The following C1QTNF12 variants were observed in gnomAD, a reference collection of about 807,000 sequenced individuals.
The protein encoded by C1QTNF12 is C1q and TNF related 12.
A neutral mutation model predicts 34.3 loss-of-function variants in C1QTNF12; 39 were observed. The ratio of observed to expected loss-of-function variants is 1.14; its 90% CI spans 0.88 to 1.49. C1QTNF12 has a LOEUF of 1.49. C1QTNF12 is among the 40% of genes most tolerant of loss of function. C1QTNF12 has a pLI of 0.00. For missense variants in C1QTNF12, 497 were observed against 424.7 expected, an observed-to-expected ratio of 1.17 and a Z score of -1.50; for synonymous variants, 220 against 196.9, an observed-to-expected ratio of 1.12 and a Z score of -0.98.
In C1QTNF12 at chr1:1,246,621, C is replaced by CG. The variant is rs1385351786; in HGVS notation, c.69dup (p.Gly24ArgfsTer44). The CG allele has an allele frequency of 3.2e-6, 4 of 1,243,708 alleles. No homozygotes were observed. Among genetic ancestry groups the CG allele is most frequent in the Admixed American group, 4.2e-5 (1 of 24,082 alleles). 77.0% of individuals were successfully genotyped at this position (1,243,708 alleles called of 1,614,324 possible). ...GTCCTCTGTGCCTCCCGCCGGGCCC[C>CG]GACGCCCCCGAGGAGCACGAGCTGC... On this transcript the variant is annotated frameshift_variant, in exon 1 of 8. Transcript: ENST00000330388. LOFTEE classifies it high-confidence loss of function. This position sits in a 1 kb window ranked among gnomAD's most constrained non-coding sequence, Gnocchi z 4.5.
In C1QTNF12 at chr1:1,242,634, C is replaced by T. The variant is rs1180688082; in HGVS notation, c.823G>A (p.Ala275Thr). 1.3e-5 allele frequency: 21 copies of T among 1,593,132 alleles called. No homozygotes were observed. Among genetic ancestry groups the T allele is most frequent in the Admixed American group, 1.7e-5 (1 of 57,298 alleles). ...GLLQLQAGQY[A>T]SVFVDNGSGA... is the part of the protein sequence containing the mutation. ...GAGCCATTGTCCACAAACACAGAAG[C>T]GTACTGTCCAGCCTGTAAGAAGCAC... The change falls in exon 8 of 8, where the codon GCT becomes ACT. Residue 275 changes from alanine to threonine, a missense_variant. Transcript: ENST00000330388.
In C1QTNF12 at chr1:1,243,117, C is replaced by T; in HGVS notation, c.676G>A (p.Ala226Thr). The change falls in exon 6 of 8, where the codon GCC becomes ACC. Residue 226 changes from alanine to threonine, a missense_variant. Physicochemically the swap from Ala to Thr is moderately conservative, Grantham distance 58 (BLOSUM62 0). Transcript: ENST00000330388. ...SELQGKARLR[A>T]RDVVCVLICI... The stretch of plus-strand genomic sequence containing the variant: ...ATGAGAACACACACCACGTCCCGGG[C>T]CCGCAGCCGGGCCTTGCCCTGCAGC... The T allele has an allele frequency of 3.1e-6, 5 of 1,587,770 alleles. No homozygotes were observed. Among genetic ancestry groups the T allele is most frequent in the Non-Finnish European group, 3.4e-6 (4 of 1,168,126 alleles).
rs777581156 is a variant in C1QTNF12, at chr1:1,242,873, C to A, written c.772G>T (p.Val258Phe). 6.2e-6 allele frequency: 10 copies of A among 1,612,360 alleles called. No homozygotes were observed. In the East Asian group the frequency reaches 1.6e-4, roughly 25 times the overall value. Residue 258 changes from valine (V) to phenylalanine (F), a missense_variant, in exon 7 of 8, where the codon GTC (valine) becomes TTC (phenylalanine). Transcript: ENST00000330388. ...AGCCCCTGCACCTGTAGCGTGAAGA[C>A]CCTGCTGTTGCTCTCCAGGCCTGAG... is the stretch of plus-strand genomic sequence containing the variant. ...AVSGLESNSR[V>F]FTLQVQGLLQ...
intron 5 of C1QTNF12, 122 bp from the exon 6 acceptor site, chr1:1,243,274 C>A (rs953698911): frequency 1.0e-6 from 1 of 1,001,802 alleles, no homozygotes; most frequent in Non-Finnish European, 1.5e-6. Context: ...GGGGAGGGGG[C>A]GCCTGAGGCC....
In C1QTNF12 at chr1:1,244,426, G is replaced by T. The variant is rs142626978; in HGVS notation, c.249C>A (p.Asp83Glu). ...MTWLNFVRRP[D>E]DGALRKRCGS... ...CGCACCGCTTCCTTAAGGCGCCGTCGTCCGGCCGCCGGACAAAGTTCAGCC... is the reference window on the plus strand; with the variant it reads ...CGCACCGCTTCCTTAAGGCGCCGTCTTCCGGCCGCCGGACAAAGTTCAGCC... The change falls in exon 2 of 8, where the codon GAC becomes GAA. Residue 83 changes from aspartate (D) to glutamate (E), a missense_variant. Transcript: ENST00000330388. 7 of 1,611,876 alleles carry T rather than the reference G, an allele frequency of 4.3e-6. No individual in the cohort carries two copies. Among genetic ancestry groups the T allele is most frequent in the Admixed American group, 1.7e-5 (1 of 59,976 alleles).
Position 1,242,636 on chromosome 1 carries a change from T to C in C1QTNF12, c.821A>G (p.Tyr274Cys). 1.9e-6 allele frequency: 3 copies of C among 1,592,630 alleles called. No individual in the cohort carries two copies. The highest frequency in any genetic ancestry group is 2.6e-6 in the Non-Finnish European group (3 of 1,170,100). Residue 274 changes from tyrosine to cysteine, a missense_variant, in exon 8 of 8, where the codon TAC becomes TGC. Coordinates refer to ENST00000330388, the MANE Select transcript of C1QTNF12 (RefSeq NM_001014980.3). ...QGLLQLQAGQYASVFVDNGSG... is the reference protein window; with the variant it reads ...QGLLQLQAGQCASVFVDNGSG... ...GCCATTGTCCACAAACACAGAAGCG[T>C]ACTGTCCAGCCTGTAAGAAGCACGG...
At position 1,244,488 on chromosome 1, in the gene C1QTNF12, C is replaced by G. The variant is rs1159962261; in HGVS notation, c.187G>C (p.Ala63Pro). 1.2e-6 allele frequency: 2 copies of G among 1,610,746 alleles called. No individual in the cohort carries two copies. The highest frequency in any genetic ancestry group is 2.7e-5 in the African/African-American group (2 of 74,814). ...GCGTCGGAGAACTCAGGTCCTGAGG[C>G]CTGGGATGGCTGAAGGGACGGGACG... Reference protein sequence around the residue: ...GLPEAPKPSQASGPEFSDAHM... With the variant: ...GLPEAPKPSQPSGPEFSDAHM... Residue 63 changes from alanine (A) to proline (P), a missense_variant, in exon 2 of 8, where the codon GCC becomes CCC. Coordinates refer to ENST00000330388, the MANE Select transcript of C1QTNF12 (RefSeq NM_001014980.3).
rs775864553 is a variant in C1QTNF12 at position 1,244,066 on chromosome 1, A to T, written c.419T>A (p.Leu140Gln). ...ERRFSGLLDP[L>Q]LPQGAGLRLV... ...CCGCAGGCCCGCCCCCTGGGGCAGC[A>T]GCGGGTCCAGAAGCCCTGAGAACCG... The change falls in exon 4 of 8, where the codon CTG (leucine) becomes CAG (glutamine). Residue 140 changes from leucine to glutamine, a missense_variant. By Grantham distance (113) the Leu-to-Gln change is moderately radical (BLOSUM62 -2). Transcript: ENST00000330388. 6 of 1,597,602 alleles carry T rather than the reference A, an allele frequency of 3.8e-6. No individual in the cohort carries two copies. In the South Asian group the frequency reaches 6.7e-5, roughly 18 times the overall value.
Position 1,246,569 on chromosome 1 carries a change from G to A in C1QTNF12, c.122C>T (p.Pro41Leu). Reference sequence around the variant, plus strand: ...GGACGCGCTGGCGGTGGCGTTGGGGGGATCTGCGCGCTGGCCAGGCTGCTG... The same window carrying A: ...GGACGCGCTGGCGGTGGCGTTGGGGAGATCTGCGCGCTGGCCAGGCTGCTG... ...RTQQPGQRAD[P>L]PNATASASSR... Residue 41 changes from proline to leucine, a missense_variant, in exon 1 of 8, where the codon CCC (proline) becomes CTC (leucine). By Grantham distance (98) the Pro-to-Leu change is moderately conservative. Transcript: ENST00000330388. The surrounding 1 kb of genome is among the most constrained non-coding windows in gnomAD (Gnocchi z 4.5). 2 of 1,245,330 alleles carry A rather than the reference G, an allele frequency of 1.6e-6. No homozygotes were observed. The highest frequency in any genetic ancestry group is 2.0e-6 in the Non-Finnish European group (2 of 994,908). 77.1% of individuals were successfully genotyped at this position (1,245,330 alleles called of 1,614,324 possible). A position where few individuals can be genotyped will look rare whatever the true frequency, so the allele number is the denominator to read the frequency against.
At position 1,243,115 on chromosome 1, in the gene C1QTNF12, G is replaced by A. The variant is rs144467981; in HGVS notation, c.678C>T (p.Ala226=). 1.3e-4 allele frequency: 213 copies of A among 1,587,784 alleles called. 1 individual carries two copies. Among genetic ancestry groups the A allele is most frequent in the Non-Finnish European group, 1.5e-4 (171 of 1,168,190 alleles). ...AGATGAGAACACACACCACGTCCCG[G>A]GCCCGCAGCCGGGCCTTGCCCTGCA... ...SELQGKARLR[A]RDVVCVLICI... The change falls in exon 6 of 8, where the codon GCC becomes GCT. Residue 226 remains alanine, a synonymous_variant. Coordinates refer to ENST00000330388, the MANE Select transcript of C1QTNF12 (RefSeq NM_001014980.3).
rs777296011 is a variant in C1QTNF12, at chr1:1,244,017, G to A, written c.468C>T (p.Cys156=). The part of the protein sequence containing the change: ...GLRLVGEAFH[C]RLQGPRRVDK... ...CCACCCGGCGGGGACCCTGCAGCCG[G>A]CAGTGAAAGGCCTCGCCCACCAGCC... is the stretch of plus-strand genomic sequence containing the variant. The change falls in exon 4 of 8, where the codon TGC becomes TGT. Residue 156 remains cysteine (C), a synonymous_variant. Transcript: ENST00000330388. 3 of 1,599,606 alleles carry A rather than the reference G, an allele frequency of 1.9e-6. No homozygotes were observed. Among genetic ancestry groups the A allele is most frequent in the Middle Eastern group, 1.7e-4 (1 of 5,900 alleles).
Position 1,246,479 on chromosome 1 carries a change from C to T in C1QTNF12, c.177+35G>A, listed in dbSNP as rs922578562. On this transcript the variant is annotated intron_variant, in intron 1 of 7. Transcript: ENST00000330388. The surrounding 1 kb of genome is among the most constrained non-coding windows in gnomAD (Gnocchi z 4.5). ...CCCCAGAGCCCCAGCTCCGAAGCTG[C>T]CCCGCGAGGGCCCACGTGCGTCCCG... 1.6e-6 allele frequency: 2 copies of T among 1,229,016 alleles called. No homozygotes were observed. Among genetic ancestry groups the T allele is most frequent in the African/African-American group, 3.1e-5 (2 of 64,274 alleles). The allele number at this position is 1,229,016 out of a possible 1,614,324, so 76.1% of individuals were successfully genotyped here.
intron 1 of C1QTNF12, among the ~76,000 whole-genome samples, chr1:1,245,190 CCCACT>C (rs1638860844): frequency 7.9e-4 from 1 of 1,260 alleles, no homozygotes; most frequent in East Asian, 7.5e-3. Flanking sequence ...CCCTCCTCCC[CCCACT>C]CTTCCCCCTC....
intron 1 of C1QTNF12, chr1:1,244,795 C>A: frequency 4.7e-6 from 1 of 210,746 alleles, no homozygotes; most frequent in Non-Finnish European, 8.5e-6. Flanking sequence ...TCATCTCCCT[C>A]CTCCCCCACT....
chr1:1,243,047 G>C lies in C1QTNF12; in HGVS notation c.731+15C>G. On this transcript the variant is annotated intron_variant, in intron 6 of 7. Transcript: ENST00000330388. ...CCGGGGGCTGCCGCCTGGAGCGGGG[G>C]CTGAGGTCACTCACGTGTGGCGCTG... 1 of 1,570,476 alleles carries C rather than the reference G, an allele frequency of 6.4e-7. No homozygotes were observed. Among genetic ancestry groups the C allele is most frequent in the Non-Finnish European group, 8.6e-7 (1 of 1,158,092 alleles).
At chr1:1,243,192 G>A (rs1044831343) in intron 5 of C1QTNF12, 40 bp from the exon 6 acceptor site, 8 of 995,490 alleles carry the variant, frequency 8.0e-6, no homozygotes, top group African/African-American at 3.2e-5. Context: ...CATGGGGGGC[G>A]GGGTGGGGGC....
chr1:1,242,514 G>A lies in C1QTNF12; in HGVS notation c.*34C>T, dbSNP rs753168680. 1.1e-5 allele frequency: 17 copies of A among 1,505,882 alleles called. No homozygotes were observed. Among genetic ancestry groups the A allele is most frequent in the East Asian group, 7.4e-5 (3 of 40,730 alleles). The allele number at this position is 1,505,882 out of a possible 1,614,324, so 93.3% of individuals were successfully genotyped here. On this transcript the variant is annotated 3_prime_UTR_variant, in exon 8 of 8. Coordinates refer to ENST00000330388, the MANE Select transcript of C1QTNF12 (RefSeq NM_001014980.3). ...ATCAGTAGGAGGGTCCCCGGGATCC[G>A]GCGGCAGCTCCTCGCCAGCCCCCCT... is the stretch of plus-strand genomic sequence containing the variant.
Position 1,246,498 on chromosome 1 carries a change from C to G in C1QTNF12, c.177+16G>C. ...AAGCTGCCCCGCGAGGGCCCACGTG[C>G]GTCCCGGCCGCGTACCTTGGGGGCC... is the stretch of plus-strand genomic sequence containing the variant. On this transcript the variant is annotated intron_variant, in intron 1 of 7. Transcript: ENST00000330388. The surrounding 1 kb of genome is among the most constrained non-coding windows in gnomAD (Gnocchi z 4.5). 2 of 1,231,238 alleles carry G rather than the reference C, an allele frequency of 1.6e-6. No individual in the cohort carries two copies. Among genetic ancestry groups the G allele is most frequent in the South Asian group, 4.0e-5 (1 of 24,906 alleles). The allele number at this position is 1,231,238 out of a possible 1,614,324, so 76.3% of individuals were successfully genotyped here.
At position 1,246,540 on chromosome 1, in the gene C1QTNF12, G is replaced by A. The variant is rs893560125; in HGVS notation, c.151C>T (p.Arg51Cys). ...TTGGGGGCCTCGGGCAGCCCCTCGC[G>A]GGAGGACGCGCTGGCGGTGGCGTTG... ...PPNATASASS[R>C]EGLPEAPKPS... The change falls in exon 1 of 8, where the codon CGC (arginine) becomes TGC (cysteine). Residue 51 changes from arginine (R) to cysteine (C), a missense_variant. Transcript: ENST00000330388. The surrounding 1 kb of genome is among the most constrained non-coding windows in gnomAD (Gnocchi z 4.5). The A allele has an allele frequency of 6.5e-6, 8 of 1,237,630 alleles. No homozygotes were observed. In the Admixed American group the frequency reaches 2.5e-4, roughly 39 times the overall value. 76.7% of individuals were successfully genotyped at this position (1,237,630 alleles called of 1,614,324 possible).
Sources: allele counts gnomAD v4.1 joint callset (sites outside exome capture counted in the v4.1 genomes callset), GRCh38; gene constraint gnomAD v4.1.1; non-coding constraint Gnocchi (gnomAD v3.1); transcripts MANE v1.5; gene names NCBI Gene and HGNC (gene_info 2026-07-23, HGNC 2026-07-21).